C11orf91: variants seen among roughly 807,000 people sequenced by gnomAD.
C11orf91 encodes uncharacterized protein C11orf91.
A neutral mutation model predicts 14.3 loss-of-function variants in C11orf91; 10 were observed. That is an observed-to-expected ratio of 0.70 (90% CI 0.43 to 1.18). The LOEUF (loss-of-function observed/expected upper bound fraction) is 1.18. C11orf91 is among the 50% of genes most tolerant of loss of function. The pLI is 0.00. For missense variants in C11orf91, 236 were observed against 269.0 expected (o/e 0.88, Z 0.86); for synonymous variants, 141 against 130.6 (o/e 1.08, Z -0.54).
At chr11:33,698,542 G>GT in intron 1 of C11orf91, 28 bp from the exon 2 acceptor site, 1 of 1,469,834 alleles carries the variant, frequency 6.8e-7, no homozygotes, top group Non-Finnish European at 9.2e-7. Flanking sequence ...AAACTTAGCC[G>GT]TAATAGAGAT....
upstream of C11orf91, among the ~76,000 whole-genome samples, chr11:33,702,054 C>T (rs1189192410): frequency 6.6e-6 from 1 of 152,122 alleles, no homozygotes; most frequent in African/African-American, 2.4e-5. Context: ...AGTTGTCACA[C>T]GCAGTATTTG....
upstream of C11orf91, chr11:33,702,777 C>T (rs1022773757): frequency 5.1e-5 from 18 of 350,064 alleles, no homozygotes; most frequent in South Asian, 3.9e-4. Flanking sequence ...CCCTACAGAA[C>T]CACAGTAATG....
intron 1 of C11orf91, among the ~76,000 whole-genome samples, chr11:33,700,044 C>T (rs1003620161): frequency 3.9e-5 from 6 of 152,050 alleles, no homozygotes; most frequent in Admixed American, 2.0e-4. Flanking sequence ...CTAAGAGGCT[C>T]ATGAAGTTCA....
In C11orf91 at chr11:33,700,412, TAGA is replaced by T. The variant is rs978366417; in HGVS notation, c.326_328del (p.Phe109del). The T allele has an allele frequency of 5.3e-6, 8 of 1,523,248 alleles. No individual in the cohort carries two copies. The highest frequency in any genetic ancestry group is 4.0e-5 in the Admixed American group (2 of 49,988). 94.4% of individuals were successfully genotyped at this position (1,523,248 alleles called of 1,614,324 possible). A position where few individuals can be genotyped will look rare whatever the true frequency, so the allele number is the denominator to read the frequency against. The stretch of plus-strand genomic sequence containing the variant: ...CACCTCAGGCCCCGGCGGCGGTGAG[TAGA>T]AGAAGCGCAGAGGCTCGTAGGGGAT... On this transcript the variant is annotated inframe_deletion, in exon 1 of 2. Coordinates refer to ENST00000379011, the MANE Select transcript of C11orf91 (RefSeq NM_001166692.2).
chr11:33,700,627 G>A lies in C11orf91; in HGVS notation c.114C>T (p.Asp38=). 6.1e-6 allele frequency: 9 copies of A among 1,476,270 alleles called. No homozygotes were observed. Among genetic ancestry groups the A allele is most frequent in the Non-Finnish European group, 8.0e-6 (9 of 1,118,578 alleles). 91.4% of individuals were successfully genotyped at this position (1,476,270 alleles called of 1,614,324 possible). ...CGAAGAGCTTCTTCCAGATGTTGAA[G>A]TCGCTGAGCGGGGACGAGGAGATGC... The part of the protein sequence containing the change: ...DRGISSSPLS[D]FNIWKKLFVP... Residue 38 remains aspartate, a synonymous_variant, in exon 1 of 2, where the codon GAC becomes GAT. Coordinates refer to ENST00000379011, the MANE Select transcript of C11orf91 (RefSeq NM_001166692.2).
At chr11:33,704,202 A>T (rs1039587663), upstream of C11orf91, 1 of 151,258 alleles carries the variant, frequency 6.6e-6, no homozygotes, top group Non-Finnish European at 1.5e-5. Context: ...GTTGTGCCTG[A>T]ATCTGGGACT....
chr11:33,705,697 G>A (rs556345431), upstream of C11orf91: 5 of 152,312 alleles, frequency 3.3e-5, no homozygotes, highest in Admixed American at 2.0e-4. Flanking sequence ...CCTATTGTGC[G>A]ACTTCGCCTT....
rs1408655661 is a variant in C11orf91, at chr11:33,698,435, G to A, written c.576C>T (p.Leu192=). 1 of 1,536,084 alleles carries A rather than the reference G, an allele frequency of 6.5e-7. No homozygotes were observed. Among genetic ancestry groups the A allele is most frequent in the East Asian group, 2.4e-5 (1 of 40,918 alleles). ...TKQPGKKSAS[L]S is the part of the protein sequence containing the mutation. The stretch of plus-strand genomic sequence containing the variant: ...AGCTCTGGTAGGCAGCTCCTCAGGA[G>A]AGAGAGGCCGACTTCTTTCCAGGTT... The change falls in exon 2 of 2, where the codon CTC becomes CTT. Residue 192 remains leucine (L), a synonymous_variant. Coordinates refer to ENST00000379011, the MANE Select transcript of C11orf91 (RefSeq NM_001166692.2).
Position 33,700,238 on chromosome 11 carries a change from C to A in C11orf91, c.496+7G>T, listed in dbSNP as rs1398782432. ...CTGGGCTCGGTGGCCCTGGCGAGGT[C>A]ACGCACAGCTCTGGGAGTCGAAGCC... is the stretch of plus-strand genomic sequence containing the variant. On this transcript the variant is annotated splice_region_variant and intron_variant, in intron 1 of 1. Coordinates refer to ENST00000379011, the MANE Select transcript of C11orf91 (RefSeq NM_001166692.2). 1 of 1,531,482 alleles carries A rather than the reference C, an allele frequency of 6.5e-7. No homozygotes were observed. Among genetic ancestry groups the A allele is most frequent in the South Asian group, 1.2e-5 (1 of 83,844 alleles). 94.9% of individuals were successfully genotyped at this position (1,531,482 alleles called of 1,614,324 possible). A position where few individuals can be genotyped will look rare whatever the true frequency, so the allele number is the denominator to read the frequency against.
upstream of C11orf91, chr11:33,704,496 A>G (rs1590503614): frequency 6.6e-6 from 1 of 152,066 alleles, no homozygotes; most frequent in East Asian, 1.9e-4. Flanking sequence ...CCAGCCTCAC[A>G]CCTGAGAAGC....
chr11:33,700,789 C>T lies in C11orf91; in HGVS notation c.-49G>A. On this transcript the variant is annotated 5_prime_UTR_variant, in exon 1 of 2. Transcript: ENST00000379011. ...GAGGAACCCCGCGCCGGGAGACGCGCGCTCAGGCCCCGAGTCGCCGGGGTT... is the reference window on the plus strand; with the variant it reads ...GAGGAACCCCGCGCCGGGAGACGCGTGCTCAGGCCCCGAGTCGCCGGGGTT... 1 of 1,261,280 alleles carries T rather than the reference C, an allele frequency of 7.9e-7. No homozygotes were observed. The highest frequency in any genetic ancestry group is 1.0e-6 in the Non-Finnish European group (1 of 1,004,790). The allele number at this position is 1,261,280 out of a possible 1,614,324, so 78.1% of individuals were successfully genotyped here.
At position 33,700,678 on chromosome 11, in the gene C11orf91, G is replaced by C; in HGVS notation, c.63C>G (p.Leu21=). 1 of 1,457,872 alleles carries C rather than the reference G, an allele frequency of 6.9e-7. No homozygotes were observed. The highest frequency in any genetic ancestry group is 9.0e-7 in the Non-Finnish European group (1 of 1,107,458). 90.3% of individuals were successfully genotyped at this position (1,457,872 alleles called of 1,614,324 possible). The part of the protein sequence containing the change: ...PTMSQRSAPP[L]YFPSLYDRGI... ...CGCGGTCGTACAGGGACGGGAAATA[G>C]AGGGGCGGAGCCGACCGCTGGCTCA... is the stretch of plus-strand genomic sequence containing the variant. The change falls in exon 1 of 2, where the codon CTC becomes CTG. Residue 21 remains leucine, a synonymous_variant. Coordinates refer to ENST00000379011, the MANE Select transcript of C11orf91 (RefSeq NM_001166692.2).
chr11:33,700,530 C>T lies in C11orf91; in HGVS notation c.211G>A (p.Ala71Thr). The T allele has an allele frequency of 8.2e-6, 7 of 858,270 alleles. No homozygotes were observed. The highest frequency in any genetic ancestry group is 9.2e-6 in the Non-Finnish European group (6 of 654,540). The allele number at this position is 858,270 out of a possible 1,614,324, so 53.2% of individuals were successfully genotyped here. The stretch of plus-strand genomic sequence containing the variant: ...GGTGGCGGGGGCGGGGGCGCCGGGG[C>T]GGGGAGCGCCTGGGACAGGGACCGG... ...GARSLSQALP[A>T]PAPPPPPPPG... The change falls in exon 1 of 2, where the codon GCC becomes ACC. Residue 71 changes from alanine to threonine, a missense_variant. By Grantham distance (58) the Ala-to-Thr change is moderately conservative. Transcript: ENST00000379011.
chr11:33,703,895 C>T (rs1381917903), upstream of C11orf91: 1 of 152,254 alleles, frequency 6.6e-6, no homozygotes, highest in East Asian at 1.9e-4. Context: ...TTGCAGTTGG[C>T]ACTAATTTTC....
upstream of C11orf91, chr11:33,700,911 C>A: frequency 1.9e-6 from 1 of 517,766 alleles, no homozygotes; most frequent in Non-Finnish European, 2.8e-6. Flanking sequence ...CGGACGACCA[C>A]GTCCCGGAAC....
At chr11:33,698,794 T>A (rs1853070933) in intron 1 of C11orf91, among the ~76,000 whole-genome samples, 1 of 148,440 alleles carries the variant, frequency 6.7e-6, no homozygotes, top group Non-Finnish European at 1.5e-5. Flanking sequence ...TTTTTTTTTT[T>A]TTTTGAGAGG....
intron 1 of C11orf91, 86 bp from the exon 2 acceptor site, chr11:33,698,600 T>C: frequency 2.1e-6 from 2 of 940,444 alleles, no homozygotes; most frequent in Non-Finnish European, 3.3e-6. Context: ...GAAGCAACTG[T>C]GCTTCCTCGA....
chr11:33,700,398 C>T lies in C11orf91; in HGVS notation c.343G>A (p.Gly115Arg). Residue 115 changes from glycine to arginine, a missense_variant, in exon 1 of 2, where the codon GGG becomes AGG. By Grantham distance (125) the Gly-to-Arg change is moderately radical. Transcript: ENST00000379011. ...AGGGGCGAGGCAACCACCTCAGGCC[C>T]CGGCGGCGGTGAGTAGAAGAAGCGC... is the stretch of plus-strand genomic sequence containing the variant. Reference protein sequence around the residue: ...PLRFFYSPPPGPEVVASPLVP... With the variant: ...PLRFFYSPPPRPEVVASPLVP... The T allele has an allele frequency of 2.6e-6, 4 of 1,530,660 alleles. 1 individual carries two copies. In the South Asian group the frequency reaches 3.6e-5, roughly 14 times the overall value. The allele number at this position is 1,530,660 out of a possible 1,614,324, so 94.8% of individuals were successfully genotyped here.
At chr11:33,704,294 A>C (rs1279006028), upstream of C11orf91, 1 of 152,224 alleles carries the variant, frequency 6.6e-6, no homozygotes, top group Admixed American at 6.5e-5. Context: ...TATCTACTTC[A>C]TAGGATTGAT....
Sources: allele counts gnomAD v4.1 joint callset (sites outside exome capture counted in the v4.1 genomes callset), GRCh38; gene constraint gnomAD v4.1.1; transcripts MANE v1.5; gene names NCBI Gene and HGNC (gene_info 2026-07-23, HGNC 2026-07-21).